TBC1D22A: variants seen among roughly 807,000 people sequenced by gnomAD.
The protein encoded by TBC1D22A is TBC1 domain family member 22A.
A neutral mutation model predicts 60.2 loss-of-function variants in TBC1D22A; 38 were observed. That is an observed-to-expected ratio of 0.63 (90% CI 0.49 to 0.83). TBC1D22A has a LOEUF of 0.83. TBC1D22A is among the 40% of genes least tolerant of loss of function. The pLI is 0.00. For missense variants in TBC1D22A, 628 were observed against 701.0 expected (o/e 0.90, Z 1.18); for synonymous variants, 302 against 281.7 (o/e 1.07, Z -0.72).
intron 12 of TBC1D22A, among the ~76,000 whole-genome samples, chr22:47,128,742 AC>A (rs1420658897): frequency 6.6e-6 from 1 of 152,096 alleles, no homozygotes; most frequent in Non-Finnish European, 1.5e-5. Context: ...AGTGGCCATG[AC>A]CGTGGCTAAG....
At chr22:47,124,603 G>T (rs1201972063) in intron 12 of TBC1D22A, among the ~76,000 whole-genome samples, 1 of 152,206 alleles carries the variant, frequency 6.6e-6, no homozygotes, top group Non-Finnish European at 1.5e-5. Flanking sequence ...AAATCAGCTG[G>T]GCACGGGGTG....
At chr22:46,960,954 C>CAAAAAAAAAAAAAAAAAAAAAAAAAA in intron 8 of TBC1D22A, among the ~76,000 whole-genome samples, 2 of 47,756 alleles carry the variant, frequency 4.2e-5, no homozygotes, top group Non-Finnish European at 7.9e-5. Flanking sequence ...GACACCATCT[C>CAAAAAAAAAAAAAAAAAAAAAAAAAA]AAAAAAAAAA....
chr22:47,124,599 G>C (rs532905482), intron 12 of TBC1D22A, among the ~76,000 whole-genome samples: 1 of 152,376 alleles, frequency 6.6e-6, no homozygotes, highest in African/African-American at 2.4e-5. Context: ...TGGCAAATCA[G>C]CTGGGCACGG....
At chr22:46,998,108 T>G (rs916044758) in intron 10 of TBC1D22A, among the ~76,000 whole-genome samples, 1 of 152,162 alleles carries the variant, frequency 6.6e-6, no homozygotes, top group Non-Finnish European at 1.5e-5. Context: ...AACTAATTAC[T>G]GAGTCTGGAA....
chr22:47,030,936 G>A (rs1421487358), intron 10 of TBC1D22A, among the ~76,000 whole-genome samples: 1 of 152,112 alleles, frequency 6.6e-6, no homozygotes, highest in Admixed American at 6.5e-5. Flanking sequence ...GGCTGGCCAC[G>A]CCCGCACCCT....
chr22:47,110,784 C>T (rs548104454), intron 11 of TBC1D22A, among the ~76,000 whole-genome samples: 2 of 152,322 alleles, frequency 1.3e-5, no homozygotes, highest in East Asian at 3.9e-4. Flanking sequence ...TGCAGTTGGC[C>T]GTGCGTGCTT....
intron 10 of TBC1D22A, among the ~76,000 whole-genome samples, chr22:47,003,979 C>T (rs1041294159): frequency 1.0e-4 from 15 of 145,158 alleles, no homozygotes; most frequent in Non-Finnish European, 1.4e-4. Flanking sequence ...ACACACCCTA[C>T]GCACACATGC....
At chr22:47,004,422 C>T (rs956507429) in intron 10 of TBC1D22A, among the ~76,000 whole-genome samples, 7 of 150,560 alleles carry the variant, frequency 4.6e-5, no homozygotes, top group Admixed American at 4.6e-4. Flanking sequence ...TGCCTGTATA[C>T]ACACCCAGCC....
chr22:47,060,440 G>GT (rs1370819545), intron 11 of TBC1D22A, among the ~76,000 whole-genome samples: 2 of 149,732 alleles, frequency 1.3e-5, no homozygotes, highest in Admixed American at 6.6e-5. Context: ...TGTTGTTTTG[G>GT]TTTTTTCTGA....
At chr22:46,947,097 G>A (rs1345910018) in intron 8 of TBC1D22A, among the ~76,000 whole-genome samples, 3 of 151,868 alleles carry the variant, frequency 2.0e-5, no homozygotes, top group African/African-American at 7.3e-5. Flanking sequence ...CCGTTATGTG[G>A]ATGAGGTGAT....
intron 8 of TBC1D22A, among the ~76,000 whole-genome samples, chr22:46,956,942 GGGAGTCGGGCAGGT>G: frequency 6.6e-6 from 1 of 152,226 alleles, no homozygotes; most frequent in East Asian, 1.9e-4. Context: ...AAGGGTGTGT[GGGAGTCGGGCAGGT>G]AAGAAACAAG....
intron 11 of TBC1D22A, among the ~76,000 whole-genome samples, chr22:47,098,657 A>AT (rs1236443587): frequency 6.6e-6 from 1 of 152,040 alleles, no homozygotes; most frequent in Non-Finnish European, 1.5e-5. Flanking sequence ...CAGGTGAGGC[A>AT]TCCCCCCGAC....
chr22:47,018,745 G>C (rs73890563), intron 10 of TBC1D22A, among the ~76,000 whole-genome samples: 1 of 152,160 alleles, frequency 6.6e-6, no homozygotes, highest in Non-Finnish European at 1.5e-5. Context: ...ATCGCCATGA[G>C]GAGTGGGTCC....
intron 12 of TBC1D22A, 37 bp from the exon 13 acceptor site, chr22:47,173,461 C>A (rs775178435): frequency 1.2e-6 from 2 of 1,608,366 alleles, no homozygotes; most frequent in Non-Finnish European, 1.7e-6. Context: ...CACCGTGGGT[C>A]ACCTCCTCTG....
intron 4 of TBC1D22A, among the ~76,000 whole-genome samples, chr22:46,858,902 C>CAAACA (rs553788571): frequency 1.3e-5 from 2 of 152,138 alleles, no homozygotes; most frequent in Non-Finnish European, 2.9e-5. Context: ...CTAGCAAATT[C>CAAACA]AAACAAAACA....
chr22:47,036,202 G>A (rs937110594), intron 10 of TBC1D22A, among the ~76,000 whole-genome samples: 1 of 152,108 alleles, frequency 6.6e-6, no homozygotes, highest in Non-Finnish European at 1.5e-5. Context: ...TCCACTATCC[G>A]GCTCAATTGG....
chr22:47,032,883 C>G (rs2062527700), intron 10 of TBC1D22A, among the ~76,000 whole-genome samples: 2 of 152,340 alleles, frequency 1.3e-5, no homozygotes, highest in South Asian at 4.1e-4. Flanking sequence ...GGCCAGGCAC[C>G]TGCCCTGGAA....
intron 12 of TBC1D22A, among the ~76,000 whole-genome samples, chr22:47,143,517 A>G (rs2067180876): frequency 6.6e-6 from 1 of 152,234 alleles, no homozygotes; most frequent in African/African-American, 2.4e-5. Context: ...GTGGCCCTAC[A>G]CCTTCCGGGG....
At chr22:46,770,024 T>C (rs1385283124) in intron 1 of TBC1D22A, among the ~76,000 whole-genome samples, 4 of 152,128 alleles carry the variant, frequency 2.6e-5, no homozygotes, top group African/African-American at 4.8e-5. Context: ...CCTGTGAATA[T>C]GTTCTGTTAC....
Sources: gnomAD v4.1 joint callset for allele counts (sites outside exome capture counted in the v4.1 genomes callset) on GRCh38, gnomAD v4.1.1 for gene constraint, MANE v1.5 for transcripts, NCBI Gene and HGNC (gene_info 2026-07-23, HGNC 2026-07-21) for gene names.